Variants in IQCK observed in about 807,000 individuals in gnomAD.
The protein encoded by IQCK is IQ motif containing K, also known as IQ domain-containing protein K.
Under a neutral mutation model 28.1 loss-of-function variants are expected in IQCK, and 29 were observed. The ratio of observed to expected loss-of-function variants is 1.03; its 90% CI spans 0.77 to 1.41. IQCK has a LOEUF of 1.41. Among genes scored for constraint, IQCK ranks in the 40% most tolerant of loss-of-function variants. IQCK has a pLI of 0.00. For missense variants in IQCK, 359 were observed against 314.7 expected, an observed-to-expected ratio of 1.14 and a Z score of -1.07; for synonymous variants, 113 against 115.1, an observed-to-expected ratio of 0.98 and a Z score of 0.12.
chr16:19,763,279 A>G (rs1319519168), intron 4 of IQCK, among the ~76,000 whole-genome samples: 1 of 152,090 alleles, frequency 6.6e-6, no homozygotes, highest in Non-Finnish European at 1.5e-5. Flanking sequence ...GAGAAAATAT[A>G]TTTACTAGTC....
At chr16:19,783,855 T>G (rs1253847407) in intron 6 of IQCK, among the ~76,000 whole-genome samples, 5 of 152,212 alleles carry the variant, frequency 3.3e-5, no homozygotes, top group Non-Finnish European at 7.3e-5. Context: ...GAGATGTCGT[T>G]GTGATGCATA....
At chr16:19,731,469 C>T (rs1977835152) in intron 2 of IQCK, among the ~76,000 whole-genome samples, 1 of 152,208 alleles carries the variant, frequency 6.6e-6, no homozygotes, top group Non-Finnish European at 1.5e-5. Flanking sequence ...TTTCTCCTAG[C>T]ATCCTGTTCT....
At chr16:19,779,919 A>G (rs931346255) in intron 6 of IQCK, among the ~76,000 whole-genome samples, 5 of 151,208 alleles carry the variant, frequency 3.3e-5, no homozygotes, top group Non-Finnish European at 5.9e-5. Context: ...GGGTTTCACC[A>G]TGTTAGCCAG....
chr16:19,816,196 T>G (rs76088474), intron 7 of IQCK, among the ~76,000 whole-genome samples: 2 of 152,328 alleles, frequency 1.3e-5, no homozygotes, highest in Non-Finnish European at 2.9e-5. Context: ...ACTGAGGAAT[T>G]TAGAAGTCTA....
chr16:19,828,904 T>A (rs1253852497), downstream of IQCK, among the ~76,000 whole-genome samples: 11 of 141,360 alleles, frequency 7.8e-5, no homozygotes, highest in Non-Finnish European at 1.7e-4. Flanking sequence ...TTATATATAT[T>A]TTTATATATT....
At position 19,825,601 on chromosome 16, in the gene IQCK, G is replaced by A. The variant is rs1269968448; in HGVS notation, c.691-1425G>A. On this transcript the variant is annotated intron_variant, in intron 7 of 7. Coordinates refer to ENST00000564186, the Ensembl canonical transcript of IQCK. This position sits in a 1 kb window ranked among gnomAD's most constrained non-coding sequence, Gnocchi z 4.2. ...CCAGCACTTTTAGAGGCCAAGGCTT[G>A]AGCCCAGGAGTTTGAGACCAGCCTG... Among the ~76,000 whole-genome samples, 1 of 151,942 alleles carries A rather than the reference G, an allele frequency of 6.6e-6. No homozygotes were observed. The highest frequency in any genetic ancestry group is 1.9e-4 in the East Asian group (1 of 5,192).
chr16:19,737,967 T>C (rs529577596), intron 4 of IQCK, among the ~76,000 whole-genome samples: 2 of 152,208 alleles, frequency 1.3e-5, no homozygotes, highest in Non-Finnish European at 1.5e-5. Flanking sequence ...CTAGAAGTAA[T>C]TGATCCCAAC....
chr16:19,766,759 G>A (rs1335734204), intron 6 of IQCK, among the ~76,000 whole-genome samples: 3 of 152,196 alleles, frequency 2.0e-5, no homozygotes, highest in African/African-American at 7.2e-5. Context: ...AGGGGAATGA[G>A]GCAAAACTGC....
At chr16:19,726,432 T>G (rs987212996) in intron 1 of IQCK, among the ~76,000 whole-genome samples, 6 of 152,196 alleles carry the variant, frequency 3.9e-5, no homozygotes, top group Non-Finnish European at 1.5e-5. Context: ...AATTTTAAGT[T>G]ATTTTTTCCT....
chr16:19,780,107 T>C (rs1446892534), intron 6 of IQCK, among the ~76,000 whole-genome samples: 1 of 151,190 alleles, frequency 6.6e-6, no homozygotes, highest in Non-Finnish European at 1.5e-5. Flanking sequence ...AGTGGTGCGC[T>C]CTCAGCTCAC....
intron 4 of IQCK, chr16:19,761,510 T>G (rs1384585079): frequency 2.3e-6 from 1 of 433,580 alleles, no homozygotes; most frequent in Non-Finnish European, 4.6e-6. Context: ...GAAGGATCTC[T>G]CCACATGGCA....
intron 7 of IQCK, among the ~76,000 whole-genome samples, chr16:19,816,990 A>G (rs1248132018): frequency 6.6e-6 from 1 of 152,134 alleles, no homozygotes; most frequent in African/African-American, 2.4e-5. Flanking sequence ...TAATTTGTGG[A>G]GCTGAGATTC....
intron 7 of IQCK, among the ~76,000 whole-genome samples, chr16:19,810,391 G>T (rs1206096054): frequency 1.3e-5 from 2 of 152,040 alleles, no homozygotes; most frequent in East Asian, 3.9e-4. Flanking sequence ...CAGCTACTCA[G>T]GAGGCTGAGG....
intron 4 of IQCK, among the ~76,000 whole-genome samples, chr16:19,739,493 G>A (rs1379922062): frequency 6.6e-6 from 1 of 152,188 alleles, no homozygotes; most frequent in Admixed American, 6.5e-5. Flanking sequence ...TTTGAGTACT[G>A]GTATGATAAT....
At chr16:19,770,221 A>G (rs897032463) in intron 6 of IQCK, among the ~76,000 whole-genome samples, 2 of 152,182 alleles carry the variant, frequency 1.3e-5, no homozygotes, top group African/African-American at 4.8e-5. Context: ...AGTTCAATGA[A>G]TGGCACTTAC....
intron 4 of IQCK, among the ~76,000 whole-genome samples, chr16:19,749,804 A>G (rs2054962016): frequency 6.6e-6 from 1 of 152,110 alleles, no homozygotes. Context: ...AAGTGTGCCA[A>G]TTCATGCTTT....
At chr16:19,735,447 T>C (rs756108018) in exon 4 of IQCK, 1 of 1,603,958 alleles carries the variant, frequency 6.2e-7, no homozygotes, top group East Asian at 2.2e-5. Flanking sequence ...AAAAATGTTT[T>C]GAGGTCAGTT....
At chr16:19,832,112 T>G (rs2056239603), downstream of IQCK, among the ~76,000 whole-genome samples, 1 of 152,048 alleles carries the variant, frequency 6.6e-6, no homozygotes, top group Non-Finnish European at 1.5e-5. Flanking sequence ...AGTCAGTAAT[T>G]GTTTTCAAAT....
At chr16:19,747,499 T>C (rs1188550622) in intron 4 of IQCK, among the ~76,000 whole-genome samples, 1 of 152,142 alleles carries the variant, frequency 6.6e-6, no homozygotes, top group Admixed American at 6.5e-5. Flanking sequence ...TCCTTTTTTT[T>C]TTTTTTAAGT....
Sources: gnomAD v4.1 joint callset for allele counts (sites outside exome capture counted in the v4.1 genomes callset) on GRCh38, gnomAD v4.1.1 for gene constraint, Gnocchi (gnomAD v3.1) non-coding constraint, MANE v1.5 for transcripts, NCBI Gene and HGNC (gene_info 2026-07-23, HGNC 2026-07-21) for gene names.